Variants in TSPOAP1 observed in about 807,000 individuals in gnomAD.
TSPOAP1 encodes the protein peripheral-type benzodiazepine receptor-associated protein 1.
Under a neutral mutation model 197.0 loss-of-function variants are expected in TSPOAP1, and 87 were observed. The ratio of observed to expected loss-of-function variants is 0.44; its 90% confidence interval spans 0.37 to 0.53. The LOEUF (loss-of-function observed/expected upper bound fraction) is 0.53, where lower values mean the gene tolerates loss of function less well. Ranked by LOEUF, TSPOAP1 falls within the 20% of genes least tolerant of loss-of-function variation. The probability of loss-of-function intolerance (pLI) is 0.00; values close to 1 mark genes in which losing one functional copy is unlikely to be tolerated. For synonymous variants in TSPOAP1, 913 were observed against 998.9 expected (o/e 0.91, Z 1.62); for missense variants, 2,174 against 2,411.3 (o/e 0.90, Z 2.06).
intron 16 of TSPOAP1, 133 bp downstream of exon 16, chr17:58,315,890 G>GGGATGGATGGATGGATGGATGGAT: frequency 4.4e-6 from 3 of 682,514 alleles, no homozygotes; most frequent in East Asian, 2.7e-5. Context: ...CTGGGCAGAG[G>GGGATGGATGGATGGATGGATGGAT]GGATGGATGG....
rs908521982 is a variant in TSPOAP1 at position 58,311,872 on chromosome 17, C to G, written c.2929+20G>C. The G allele has an allele frequency of 1.3e-6, 2 of 1,515,656 alleles. No individual in the cohort carries two copies. Among genetic ancestry groups the G allele is most frequent in the African/African-American group, 1.4e-5 (1 of 72,148 alleles). The allele number at this position is 1,515,656 out of a possible 1,614,324, so 93.9% of individuals were successfully genotyped here. On this transcript the variant is annotated intron_variant, in intron 17 of 31. Coordinates refer to ENST00000343736, the MANE Select transcript of TSPOAP1 (RefSeq NM_004758.4). ...CTGGCCTCCTGGGTGTTCTGGACAA[C>G]AGGGCCCAAGCCCACATACCTGCTG...
Position 58,309,191 on chromosome 17 carries a change from C to T in TSPOAP1, c.4081G>A (p.Glu1361Lys), listed in dbSNP as rs1258957371. ...CAGCCCAGCCCCAGCAATGCAGGTT[C>T]AGGCGGGCCAGGGTCTCGGGAAGAA... is the stretch of plus-strand genomic sequence containing the variant. ...GCSSRDPGPP[E>K]PALLGLGCDS... is the part of the protein sequence containing the mutation. The change falls in exon 22 of 32, where the codon GAA (glutamate) becomes AAA (lysine). Residue 1361 changes from glutamate to lysine, a missense_variant. This residue lies in a region of TSPOAP1 where 1,933 missense variants were observed against 2,139.0 expected (regional missense o/e 0.90). Coordinates refer to ENST00000343736, the MANE Select transcript of TSPOAP1 (RefSeq NM_004758.4). The surrounding 1 kb of genome is among the most constrained non-coding windows in gnomAD (Gnocchi z 5.0). 8 of 1,613,938 alleles carry T rather than the reference C, an allele frequency of 5.0e-6. No homozygotes were observed. The Admixed American group carries it at 8.3e-5, about 17-fold the overall frequency.
chr17:58,309,424 G>A lies in TSPOAP1; in HGVS notation c.3892-44C>T. 3 of 1,558,968 alleles carry A rather than the reference G, an allele frequency of 1.9e-6. No homozygotes were observed. The highest frequency in any genetic ancestry group is 2.6e-6 in the Non-Finnish European group (3 of 1,155,482). ...TGGGAGTAGAACACAGCAGGGAAGAGAGATGCGTGGGGAAGAGGAGAGCGA... is the reference window on the plus strand; with the variant it reads ...TGGGAGTAGAACACAGCAGGGAAGAAAGATGCGTGGGGAAGAGGAGAGCGA... On this transcript the variant is annotated intron_variant, in intron 21 of 31. Coordinates refer to ENST00000343736, the MANE Select transcript of TSPOAP1 (RefSeq NM_004758.4). This position sits in a 1 kb window ranked among gnomAD's most constrained non-coding sequence, Gnocchi z 5.0.
rs1971303118 is a variant in TSPOAP1, at chr17:58,318,393, G to A, written c.1759C>T (p.Pro587Ser). Reference protein sequence around the residue: ...RCTPKSSEPAPATLTGVPRRT... With the variant: ...RCTPKSSEPASATLTGVPRRT... ...CGAGGGACCCCAGTGAGAGTGGCAG[G>A]GGCAGGCTCGGAAGACTTTGGGGTG... The change falls in exon 14 of 32, where the codon CCT (proline) becomes TCT (serine). Residue 587 changes from proline (P) to serine (S), a missense_variant. Pro to Ser is a moderately conservative substitution (Grantham distance 74, BLOSUM62 -1). Coordinates refer to ENST00000343736, the MANE Select transcript of TSPOAP1 (RefSeq NM_004758.4). The A allele has an allele frequency of 1.2e-6, 2 of 1,614,076 alleles. No individual in the cohort carries two copies. The highest frequency in any genetic ancestry group is 8.5e-7 in the Non-Finnish European group (1 of 1,179,986).
intron 7 of TSPOAP1, 57 bp from the exon 8 acceptor site, chr17:58,323,096 C>T (rs1380977682): frequency 3.0e-5 from 47 of 1,556,774 alleles, no homozygotes; most frequent in Non-Finnish European, 3.5e-5. Flanking sequence ...CCCCCTCTCC[C>T]CACACAGAGG....
chr17:58,324,925 CT>C lies in TSPOAP1; in HGVS notation c.827del (p.Gln276ArgfsTer51). On this transcript the variant is annotated frameshift_variant, in exon 5 of 32. Coordinates refer to ENST00000343736, the MANE Select transcript of TSPOAP1 (RefSeq NM_004758.4). LOFTEE classifies it high-confidence loss of function. This position sits in a 1 kb window ranked among gnomAD's most constrained non-coding sequence, Gnocchi z 5.8. ...RESQREVLRL[Q>X]RQIALRNQRE... ...GCTGGTTGCGCAGCGCGATCTGCCT[CT>C]GCAGCCGCAGCACCTCCCGCTGGGA... The C allele has an allele frequency of 6.5e-7, 1 of 1,538,776 alleles. No homozygotes were observed. The highest frequency in any genetic ancestry group is 8.7e-7 in the Non-Finnish European group (1 of 1,145,772).
intron 16 of TSPOAP1, among the ~76,000 whole-genome samples, chr17:58,315,378 T>G (rs1971196436): frequency 6.6e-6 from 1 of 152,236 alleles, no homozygotes; most frequent in African/African-American, 2.4e-5. Context: ...CTGCTGCTGA[T>G]GGACTCAGCC....
rs780333478 is a variant in TSPOAP1, at chr17:58,323,068, G to T, written c.1105-29C>A. The T allele has an allele frequency of 2.3e-5, 37 of 1,588,544 alleles. 1 individual carries two copies. In the South Asian group the frequency reaches 4.0e-4, roughly 17 times the overall value. On this transcript the variant is annotated intron_variant, in intron 7 of 31. Coordinates refer to ENST00000343736, the MANE Select transcript of TSPOAP1 (RefSeq NM_004758.4). ...AGCGGGCAGAGGAGCTCTCAGGAGG[G>T]AGCCCAGCACCCACATTCCCCCTCT...
At chr17:58,306,200 G>GT in intron 26 of TSPOAP1, 142 bp downstream of exon 26, 1 of 882,586 alleles carries the variant, frequency 1.1e-6, no homozygotes, top group South Asian at 1.5e-5. Flanking sequence ...AAACCCAGAG[G>GT]TGCCTCCCCA....
At chr17:58,320,892 C>G (rs1161619430) in intron 10 of TSPOAP1, among the ~76,000 whole-genome samples, 2 of 152,074 alleles carry the variant, frequency 1.3e-5, no homozygotes, top group East Asian at 3.9e-4. Flanking sequence ...TCTGGATGCT[C>G]CTTCTCAGCC....
At position 58,326,078 on chromosome 17, in the gene TSPOAP1, C is replaced by T. The variant is rs1258109396; in HGVS notation, c.570+215G>A. 2.6e-5 allele frequency among the ~76,000 whole-genome samples: 4 copies of T among 152,190 alleles called. No homozygotes were observed. The highest frequency in any genetic ancestry group is 1.3e-4 in the Admixed American group (2 of 15,280). ...CTCCCTGCCTGCTCAGGAACCTCCC[C>T]ATCCAGCTCTTCTCTGCCCCCTGCA... On this transcript the variant is annotated intron_variant, in intron 3 of 31. Coordinates refer to ENST00000343736, the MANE Select transcript of TSPOAP1 (RefSeq NM_004758.4). This position sits in a 1 kb window ranked among gnomAD's most constrained non-coding sequence, Gnocchi z 4.7.
chr17:58,320,488 C>T, intron 11 of TSPOAP1, 43 bp downstream of exon 11: 2 of 1,489,648 alleles, frequency 1.3e-6, no homozygotes, highest in African/African-American at 2.8e-5. Context: ...CCCCGCCTTC[C>T]TCCCAAGATG....
Position 58,316,193 on chromosome 17 carries a change from G to T in TSPOAP1, c.1989-61C>A. The T allele has an allele frequency of 5.2e-6, 7 of 1,356,532 alleles. No individual in the cohort carries two copies. In the South Asian group the frequency reaches 7.0e-5, roughly 14 times the overall value. 84.0% of individuals were successfully genotyped at this position (1,356,532 alleles called of 1,614,324 possible). A position where few individuals can be genotyped will look rare whatever the true frequency, so the allele number is the denominator to read the frequency against. ...GACCTACACTCCACTTCCATGTCCTGTCTTCTCTCTCCCACTGCACTGAGC... is the reference window on the plus strand; with the variant it reads ...GACCTACACTCCACTTCCATGTCCTTTCTTCTCTCTCCCACTGCACTGAGC... On this transcript the variant is annotated intron_variant, in intron 15 of 31. Transcript: ENST00000343736.
At chr17:58,311,842 A>G (rs1158724459) in intron 17 of TSPOAP1, 50 bp downstream of exon 17, 1 of 1,493,238 alleles carries the variant, frequency 6.7e-7, no homozygotes, top group Admixed American at 2.4e-5. Flanking sequence ...TCCGTCACCC[A>G]TGGCCTGGCC....
At chr17:58,308,010 C>G in intron 22 of TSPOAP1, 69 bp from the exon 23 acceptor site, 1 of 1,430,050 alleles carries the variant, frequency 7.0e-7, no homozygotes, top group South Asian at 1.3e-5. Context: ...GCTCCCCCAG[C>G]TCTGCCCCAT....
chr17:58,323,055 A>C lies in TSPOAP1; in HGVS notation c.1105-16T>G. On this transcript the variant is annotated splice_polypyrimidine_tract_variant and intron_variant, in intron 7 of 31. Transcript: ENST00000343736. The stretch of plus-strand genomic sequence containing the variant: ...GCTGCAGTTCCTGAGCGGGCAGAGG[A>C]GCTCTCAGGAGGGAGCCCAGCACCC... 6.3e-7 allele frequency: 1 copy of C among 1,597,402 alleles called. No homozygotes were observed.
Position 58,323,622 on chromosome 17 carries a change from A to G in TSPOAP1, c.943-77T>C. ...CAGCCTGCCCCAGCCCAGCCTGCCC[A>G]GAGCAGGTTCCCACCCCATCATTCA... On this transcript the variant is annotated intron_variant, in intron 5 of 31. Transcript: ENST00000343736. 21 of 1,483,464 alleles carry G rather than the reference A, an allele frequency of 1.4e-5. 1 individual carries two copies. The South Asian group carries it at 2.6e-4, about 18-fold the overall frequency. 91.9% of individuals were successfully genotyped at this position (1,483,464 alleles called of 1,614,324 possible).
intron 14 of TSPOAP1, 74 bp from the exon 15 acceptor site, chr17:58,316,614 T>C: frequency 8.1e-7 from 1 of 1,239,986 alleles, no homozygotes; most frequent in Non-Finnish European, 1.1e-6. Context: ...GTTTCCAGGC[T>C]GAGCCAGAGG....
In TSPOAP1 at chr17:58,301,250, A is replaced by G. The variant is rs1970715322; in HGVS notation, c.*1230T>C. 6.6e-6 allele frequency: 1 copy of G among 152,624 alleles called. No homozygotes were observed. The highest frequency in any genetic ancestry group is 2.4e-5 in the African/African-American group (1 of 41,434). The allele number at this position is 152,624 out of a possible 1,614,324, so 9.5% of individuals were successfully genotyped here. ...CATAGATTTTGTGAAAATAGACTTTATTATAATAAAATGTCTTTTTAAACA... is the reference window on the plus strand; with the variant it reads ...CATAGATTTTGTGAAAATAGACTTTGTTATAATAAAATGTCTTTTTAAACA... On this transcript the variant is annotated 3_prime_UTR_variant, in exon 32 of 32. Coordinates refer to ENST00000343736, the MANE Select transcript of TSPOAP1 (RefSeq NM_004758.4).
Sources: allele counts gnomAD v4.1 joint callset (sites outside exome capture counted in the v4.1 genomes callset), GRCh38; gene constraint gnomAD v4.1.1; regional missense constraint gnomAD v4.1.1; non-coding constraint Gnocchi (gnomAD v3.1); transcripts MANE v1.5; gene names NCBI Gene and HGNC (gene_info 2026-07-23, HGNC 2026-07-21).